LIN9: variants seen among roughly 807,000 people sequenced by gnomAD.
LIN9 encodes the protein lin-9 DREAM MuvB core complex component, also known as protein lin-9 homolog.
A neutral mutation model predicts 78.0 loss-of-function variants in LIN9; 18 were observed. That is an observed-to-expected ratio of 0.23 (90% CI 0.16 to 0.34). The LOEUF (loss-of-function observed/expected upper bound fraction) is 0.34. Ranked by LOEUF, LIN9 falls within the 10% of genes least tolerant of loss-of-function variation. The probability of loss-of-function intolerance (pLI) is 1.00; values close to 1 mark genes in which losing one functional copy is unlikely to be tolerated. For synonymous variants in LIN9, 192 were observed against 215.2 expected (o/e 0.89, Z 0.94); for missense variants, 451 against 644.1 (o/e 0.70, Z 3.25).
At chr1:226,301,523 G>A (rs111616966) in intron 1 of LIN9, among the ~76,000 whole-genome samples, 109 of 152,242 alleles carry the variant, frequency 7.2e-4, no homozygotes, top group African/African-American at 2.6e-3. Context: ...TCATCCAGGC[G>A]TGCTGTGGTG....
upstream of LIN9, chr1:226,309,288 C>A (rs1663141710): frequency 7.4e-6 from 8 of 1,074,120 alleles, no homozygotes; most frequent in Admixed American, 5.5e-5. Context: ...TGAGGCGGGC[C>A]CGGCTCCGCC....
chr1:226,306,052 C>T (rs375137922), intron 1 of LIN9, among the ~76,000 whole-genome samples: 20 of 152,052 alleles, frequency 1.3e-4, no homozygotes, highest in East Asian at 9.6e-4. Context: ...GCTGGGGGCG[C>T]GGTGGCTCAC....
At chr1:226,263,444 A>AG (rs1659718592) in intron 10 of LIN9, among the ~76,000 whole-genome samples, 2 of 152,136 alleles carry the variant, frequency 1.3e-5, no homozygotes, top group African/African-American at 4.8e-5. Flanking sequence ...TGGTCTAAAA[A>AG]AATAAAGTGT....
chr1:226,247,103 CTCTT>C (rs1453141256), intron 11 of LIN9, among the ~76,000 whole-genome samples: 3 of 152,012 alleles, frequency 2.0e-5, no homozygotes, highest in Non-Finnish European at 4.4e-5. Flanking sequence ...TACTAGCTCT[CTCTT>C]TAGCTGTTTC....
At chr1:226,295,803 C>T in intron 4 of LIN9, 39 bp downstream of exon 4, 1 of 1,287,894 alleles carries the variant, frequency 7.8e-7, no homozygotes, top group Non-Finnish European at 1.1e-6. Context: ...CATTTGCTTA[C>T]TTCCTTTCCA....
rs1659842597 is a variant in LIN9 at position 226,265,434 on chromosome 1, T to TGATAAACCTACACGGC, written c.1038+83_1038+98dup. On this transcript the variant is annotated intron_variant, in intron 10 of 14. Coordinates refer to ENST00000681046, the MANE Select transcript of LIN9 (RefSeq NM_001366245.2). The surrounding 1 kb of genome is among the most constrained non-coding windows in gnomAD (Gnocchi z 4.1). The stretch of plus-strand genomic sequence containing the variant: ...ATAGCAGCTCTTAAAACCTACACGG[T>TGATAAACCTACACGGC]GATAAACCTACACGGCCCTAGAAAA... The TGATAAACCTACACGGC allele has an allele frequency of 3.3e-6, 2 of 611,870 alleles. No individual in the cohort carries two copies. The highest frequency in any genetic ancestry group is 5.7e-6 in the Non-Finnish European group (2 of 349,144). 37.9% of individuals were successfully genotyped at this position (611,870 alleles called of 1,614,324 possible). A position where few individuals can be genotyped will look rare whatever the true frequency, so the allele number is the denominator to read the frequency against.
At chr1:226,243,442 C>T (rs913111401) in intron 11 of LIN9, among the ~76,000 whole-genome samples, 1 of 152,094 alleles carries the variant, frequency 6.6e-6, no homozygotes, top group African/African-American at 2.4e-5. Flanking sequence ...GGCCTGTAAT[C>T]CCTGCACTTT....
chr1:226,262,786 A>T (rs1175352766), intron 10 of LIN9, among the ~76,000 whole-genome samples: 1 of 152,196 alleles, frequency 6.6e-6, no homozygotes, highest in Admixed American at 6.5e-5. Context: ...ACTCCTTGGT[A>T]TTTACCCAAA....
chr1:226,283,864 C>A (rs1209418993), intron 6 of LIN9, among the ~76,000 whole-genome samples: 2 of 151,758 alleles, frequency 1.3e-5, no homozygotes, highest in African/African-American at 4.8e-5. Context: ...GAGGTAGGAG[C>A]TTAGGAGGCA....
chr1:226,241,169 T>C (rs1396457283), intron 11 of LIN9, among the ~76,000 whole-genome samples: 1 of 152,230 alleles, frequency 6.6e-6, no homozygotes, highest in African/African-American at 2.4e-5. Flanking sequence ...TTGCTTCCTA[T>C]TCGTAAACCT....
chr1:226,239,358 T>C (rs960436623), intron 11 of LIN9, among the ~76,000 whole-genome samples: 3 of 152,246 alleles, frequency 2.0e-5, no homozygotes, highest in African/African-American at 7.2e-5. Context: ...GAGCAAAATG[T>C]TAATTGATAA....
chr1:226,233,023 A>T lies in LIN9; in HGVS notation c.1523+73T>A, dbSNP rs1190002808. ...ATATGAGTACTTCACAAATATGCATAATTCTTAAAACCTGGACTGAAAATT... is the reference window on the plus strand; with the variant it reads ...ATATGAGTACTTCACAAATATGCATTATTCTTAAAACCTGGACTGAAAATT... On this transcript the variant is annotated intron_variant, in intron 14 of 14. Transcript: ENST00000681046. 7 of 904,848 alleles carry T rather than the reference A, an allele frequency of 7.7e-6. No homozygotes were observed. In the East Asian group the frequency reaches 1.0e-4, roughly 13 times the overall value. 56.1% of individuals were successfully genotyped at this position (904,848 alleles called of 1,614,324 possible). A position where few individuals can be genotyped will look rare whatever the true frequency, so the allele number is the denominator to read the frequency against.
At chr1:226,271,569 T>C (rs1660280800) in intron 7 of LIN9, among the ~76,000 whole-genome samples, 1 of 152,218 alleles carries the variant, frequency 6.6e-6, no homozygotes, top group Non-Finnish European at 1.5e-5. Flanking sequence ...GTTGAGTGTA[T>C]TGTTCTAAAC....
chr1:226,252,674 TA>T (rs1037544545), intron 10 of LIN9, among the ~76,000 whole-genome samples: 5 of 151,858 alleles, frequency 3.3e-5, no homozygotes, highest in Non-Finnish European at 7.4e-5. Context: ...TTACGTTGCT[TA>T]AAAAAAAGAA....
At chr1:226,252,444 T>C (rs1331300742) in intron 10 of LIN9, among the ~76,000 whole-genome samples, 1 of 152,036 alleles carries the variant, frequency 6.6e-6, no homozygotes, top group Non-Finnish European at 1.5e-5. Flanking sequence ...AATTTTCAAT[T>C]TACGTTAAGA....
intron 11 of LIN9, among the ~76,000 whole-genome samples, chr1:226,243,886 A>ATTT (rs1553275190): frequency 2.0e-5 from 3 of 150,624 alleles, no homozygotes; most frequent in East Asian, 4.1e-4. Context: ...AATTATTATT[A>ATTT]TTTTTTGAGA....
At position 226,296,151 on chromosome 1, in the gene LIN9, T is replaced by C. The variant is rs150979498; in HGVS notation, c.160-205A>G. 2.2e-3 allele frequency among the ~76,000 whole-genome samples: 330 copies of C among 152,320 alleles called. 1 individual carries two copies. Among genetic ancestry groups the C allele is most frequent in the African/African-American group, 7.5e-3 (313 of 41,560 alleles). On this transcript the variant is annotated intron_variant, in intron 3 of 14. Coordinates refer to ENST00000681046, the MANE Select transcript of LIN9 (RefSeq NM_001366245.2). ...GTAAGATGTATTTATACAAGGTGCT[T>C]ATGAATGAAATACCTAGCTGATGAA...
In LIN9 at chr1:226,253,859, G is replaced by A. The variant is rs1453678846; in HGVS notation, c.1039-2940C>T. Among the ~76,000 whole-genome samples the A allele has an allele frequency of 2.0e-5, 3 of 152,128 alleles. No individual in the cohort carries two copies. The Middle Eastern group carries it at 0.01, about 517-fold the overall frequency. ...GAACCCAGGAAGCAGAGTCTGCAAT[G>A]AGCTAAGATCACACCACTGCACTCC... On this transcript the variant is annotated intron_variant, in intron 10 of 14. Transcript: ENST00000681046.
chr1:226,290,102 T>A (rs1335445114), intron 4 of LIN9, among the ~76,000 whole-genome samples: 1 of 151,864 alleles, frequency 6.6e-6, no homozygotes, highest in Non-Finnish European at 1.5e-5. Flanking sequence ...AAAGACAAAC[T>A]ATAAACTCTA....
Sources: allele counts gnomAD v4.1 joint callset (sites outside exome capture counted in the v4.1 genomes callset), GRCh38; gene constraint gnomAD v4.1.1; non-coding constraint Gnocchi (gnomAD v3.1); transcripts MANE v1.5; gene names NCBI Gene and HGNC (gene_info 2026-07-23, HGNC 2026-07-21).